MYT1L: variants seen among roughly 807,000 people sequenced by gnomAD.
MYT1L encodes the protein myelin transcription factor 1 like, also known as myelin transcription factor 1-like protein.
MYT1L carries 12 observed loss-of-function variants against 126.7 expected under a neutral mutation model. The observed-to-expected ratio is 0.09, with a 90% CI of 0.06 to 0.15. MYT1L has a LOEUF of 0.15. Ranked by LOEUF, MYT1L falls within the 10% of genes least tolerant of loss-of-function variation. The pLI is 1.00. For synonymous variants in MYT1L, 541 were observed against 604.2 expected, an observed-to-expected ratio of 0.90 and a Z score of 1.53; for missense variants, 979 against 1,585.2, an observed-to-expected ratio of 0.62 and a Z score of 6.49.
intron 2 of MYT1L, among the ~76,000 whole-genome samples, chr2:2,180,328 A>G (rs2091274037): frequency 6.6e-6 from 1 of 152,010 alleles, no homozygotes; most frequent in South Asian, 2.1e-4. Context: ...GTACTCTCAA[A>G]TAATTACTAA....
In MYT1L at chr2:1,805,912, C is replaced by T. The variant is rs545678046; in HGVS notation, c.3172+3164G>A. On this transcript the variant is annotated intron_variant, in intron 22 of 24. Coordinates refer to ENST00000647738, the MANE Select transcript of MYT1L (RefSeq NM_001303052.2). The stretch of plus-strand genomic sequence containing the variant: ...AAAAAGAGAGGGATTGTCTTTTCCA[C>T]ATCTACAGCAAGGGCAACAGGAACA... Among the ~76,000 whole-genome samples the T allele has an allele frequency of 2.0e-5, 3 of 152,254 alleles. No homozygotes were observed. The East Asian group carries it at 5.8e-4, about 29-fold the overall frequency.
intron 3 of MYT1L, among the ~76,000 whole-genome samples, chr2:2,107,975 C>A (rs1457091699): frequency 6.6e-6 from 1 of 152,196 alleles, no homozygotes; most frequent in Non-Finnish European, 1.5e-5. Context: ...TCTAGAAGTT[C>A]ATTAGAGTCA....
At chr2:2,311,573 G>T (rs1339084441) in intron 1 of MYT1L, among the ~76,000 whole-genome samples, 2 of 152,138 alleles carry the variant, frequency 1.3e-5, no homozygotes, top group African/African-American at 2.4e-5. Flanking sequence ...CACGACTTTG[G>T]GGGGCACCAT....
rs529181869 is a variant in MYT1L at position 2,139,237 on chromosome 2, C to A, written c.-304+33635G>T. On this transcript the variant is annotated intron_variant, in intron 3 of 24. Coordinates refer to ENST00000647738, the MANE Select transcript of MYT1L (RefSeq NM_001303052.2). ...TCTACTAGAAGGGGAGACGTGGTCT[C>A]CAGAAACCTAAATTCAGCCATGAAA... is the stretch of plus-strand genomic sequence containing the variant. Among the ~76,000 whole-genome samples, 3 of 152,238 alleles carry A rather than the reference C, an allele frequency of 2.0e-5. No homozygotes were observed. The South Asian group carries it at 6.2e-4, about 32-fold the overall frequency.
intron 1 of MYT1L, among the ~76,000 whole-genome samples, chr2:2,316,627 C>T (rs749755665): frequency 2.0e-5 from 3 of 152,154 alleles, no homozygotes; most frequent in Admixed American, 6.5e-5. Context: ...ACGGCACGTA[C>T]GTTTCTGTGA....
intron 3 of MYT1L, among the ~76,000 whole-genome samples, chr2:2,108,189 T>C (rs1316892987): frequency 6.6e-6 from 1 of 152,162 alleles, no homozygotes; most frequent in Admixed American, 6.5e-5. Context: ...AACCCACTGC[T>C]AGAGTCCCTC....
At chr2:2,294,071 T>G (rs1191341415) in intron 1 of MYT1L, among the ~76,000 whole-genome samples, 7 of 152,144 alleles carry the variant, frequency 4.6e-5, no homozygotes. Flanking sequence ...AAAAAAAATC[T>G]GGGTTCTAAA....
intron 8 of MYT1L, among the ~76,000 whole-genome samples, chr2:1,946,870 G>A (rs137935338): frequency 9.8e-4 from 149 of 152,188 alleles, no homozygotes; most frequent in African/African-American, 3.4e-3. Flanking sequence ...CAACCTCCTC[G>A]CAGGGCCACC....
intron 19 of MYT1L, among the ~76,000 whole-genome samples, chr2:1,850,114 G>A (rs917127419): frequency 1.2e-4 from 18 of 147,202 alleles, no homozygotes; most frequent in African/African-American, 3.5e-4. Context: ...CCCTTCCCTC[G>A]CTCCCTTCCC....
At chr2:2,285,203 A>G (rs1270613987) in intron 1 of MYT1L, among the ~76,000 whole-genome samples, 2 of 152,202 alleles carry the variant, frequency 1.3e-5, no homozygotes, top group Non-Finnish European at 2.9e-5. Flanking sequence ...TTGCAGTTGC[A>G]AGAGAAGGTT....
chr2:1,918,554 T>C lies in MYT1L; in HGVS notation c.1484-1215A>G, dbSNP rs570455342. Among the ~76,000 whole-genome samples the C allele has an allele frequency of 7.2e-5, 11 of 152,346 alleles. No homozygotes were observed. In the East Asian group the frequency reaches 7.7e-4, roughly 11 times the overall value. On this transcript the variant is annotated intron_variant, in intron 10 of 24. Transcript: ENST00000647738. ...AGCTGGATTTAGAATTTTTTGAACT[T>C]TTACGGACTTTTCATTCGTTCAGGT...
chr2:2,105,305 CAG>C (rs1262755080), intron 3 of MYT1L, among the ~76,000 whole-genome samples: 1 of 152,124 alleles, frequency 6.6e-6, no homozygotes, highest in Non-Finnish European at 1.5e-5. Flanking sequence ...ACCAGGGAAT[CAG>C]AGATACTAGG....
intron 3 of MYT1L, among the ~76,000 whole-genome samples, chr2:2,152,540 G>A (rs2085978702): frequency 6.6e-6 from 1 of 152,144 alleles, no homozygotes; most frequent in Admixed American, 6.6e-5. Context: ...AGGGCTGCAG[G>A]AGACGATTAC....
chr2:1,967,868 G>A (rs1200376590), intron 8 of MYT1L, among the ~76,000 whole-genome samples: 1 of 152,198 alleles, frequency 6.6e-6, no homozygotes. Flanking sequence ...CTGCAGGGGA[G>A]GGCAGGAGCC....
At chr2:2,252,768 A>T (rs1427280102) in intron 2 of MYT1L, among the ~76,000 whole-genome samples, 1 of 152,080 alleles carries the variant, frequency 6.6e-6, no homozygotes, top group East Asian at 1.9e-4. Context: ...CTCCCCCACG[A>T]AAAGCATCCC....
At chr2:2,241,803 AG>A (rs750148180) in intron 2 of MYT1L, among the ~76,000 whole-genome samples, 1 of 152,204 alleles carries the variant, frequency 6.6e-6, no homozygotes, top group Non-Finnish European at 1.5e-5. Flanking sequence ...CTGGATGTTG[AG>A]GGCATTACGC....
At chr2:2,263,676 C>T (rs948302531) in intron 2 of MYT1L, among the ~76,000 whole-genome samples, 1 of 152,148 alleles carries the variant, frequency 6.6e-6, no homozygotes, top group African/African-American at 2.4e-5. Context: ...CCCTTTTCCC[C>T]TCTGGCTGAG....
chr2:1,855,019 T>G (rs1490892116), intron 18 of MYT1L, among the ~76,000 whole-genome samples: 3 of 152,200 alleles, frequency 2.0e-5, no homozygotes, highest in African/African-American at 7.2e-5. Flanking sequence ...CTAGACCACA[T>G]AAGGCAGCCC....
At chr2:2,202,826 G>T (rs1460973805) in intron 2 of MYT1L, among the ~76,000 whole-genome samples, 3 of 152,060 alleles carry the variant, frequency 2.0e-5, no homozygotes, top group African/African-American at 7.2e-5. Context: ...CAAAAAAAGA[G>T]AATTTTAGAC....
Sources: gnomAD v4.1 joint callset for allele counts (sites outside exome capture counted in the v4.1 genomes callset) on GRCh38, gnomAD v4.1.1 for gene constraint, MANE v1.5 for transcripts, NCBI Gene and HGNC (gene_info 2026-07-23, HGNC 2026-07-21) for gene names.